PSD3: variants seen among roughly 807,000 people sequenced by gnomAD.
PSD3 encodes the protein PH and SEC7 domain-containing protein 3.
A neutral mutation model predicts 105.5 loss-of-function variants in PSD3; 49 were observed. That is an observed-to-expected ratio of 0.46 (90% CI 0.37 to 0.59). The LOEUF (loss-of-function observed/expected upper bound fraction) is 0.59. Ranked by LOEUF, PSD3 falls within the 20% of genes least tolerant of loss-of-function variation. The pLI, the probability that PSD3 is intolerant of heterozygous loss-of-function variation, is 0.00. For missense variants in PSD3, 1,561 were observed against 1,263.8 expected (o/e 1.24, Z -3.57); for synonymous variants, 557 against 457.8 (o/e 1.22, Z -2.77).
intron 1 of PSD3, among the ~76,000 whole-genome samples, chr8:19,056,975 A>G (rs1267497742): frequency 6.6e-6 from 1 of 152,124 alleles, no homozygotes; most frequent in African/African-American, 2.4e-5. Flanking sequence ...TGATAAGGGT[A>G]TGAACTTTCA....
intron 9 of PSD3, among the ~76,000 whole-genome samples, chr8:18,665,778 G>C (rs1005070435): frequency 6.6e-6 from 1 of 152,210 alleles, no homozygotes; most frequent in African/African-American, 2.4e-5. Flanking sequence ...TTGAGCCTGG[G>C]AGATCAAGGC....
chr8:18,878,553 T>C (rs1817884253), intron 2 of PSD3, among the ~76,000 whole-genome samples: 1 of 152,184 alleles, frequency 6.6e-6, no homozygotes, highest in Admixed American at 6.5e-5. Flanking sequence ...CATACATACA[T>C]TCTGAATGCA....
At chr8:18,865,253 TATATATATATATATATATATATATA>T (rs1816778098) in intron 4 of PSD3, 1 of 3,340 alleles carries the variant, frequency 3.0e-4, no homozygotes, top group Non-Finnish European at 6.9e-4. Flanking sequence ...TATATATATA[TATATATATATATATATATATATATA>T]TATATATATT....
chr8:18,867,903 C>G lies in PSD3; in HGVS notation c.1405G>C (p.Asp469His). Residue 469 changes from aspartate to histidine, a missense_variant, in exon 4 of 16, where the codon GAT becomes CAT. Coordinates refer to ENST00000327040, the MANE Select transcript of PSD3 (RefSeq NM_015310.4). The stretch of plus-strand genomic sequence containing the variant: ...GGCATTTCAAAGCTAAAATAGCTAT[C>G]AGGCTCTGAGTATAATGTCTCCAGG... ...ESLETLYSEPDSYFSFEMPLT... is the reference protein window; with the variant it reads ...ESLETLYSEPHSYFSFEMPLT... 6.2e-7 allele frequency: 1 copy of G among 1,614,168 alleles called. No homozygotes were observed. The highest frequency in any genetic ancestry group is 8.5e-7 in the Non-Finnish European group (1 of 1,180,022).
chr8:18,675,673 G>A lies in PSD3; in HGVS notation c.2173-19988C>T, dbSNP rs558495883. Among the ~76,000 whole-genome samples, 5 of 152,210 alleles carry A rather than the reference G, an allele frequency of 3.3e-5. No homozygotes were observed. The South Asian group carries it at 1.0e-3, about 32-fold the overall frequency. The stretch of plus-strand genomic sequence containing the variant: ...ACGTGTCCAAACAGGTACACTAAAT[G>A]TACCATCGGAACATGGTACAGTGGA... On this transcript the variant is annotated intron_variant, in intron 9 of 15. Coordinates refer to ENST00000327040, the MANE Select transcript of PSD3 (RefSeq NM_015310.4).
intron 9 of PSD3, among the ~76,000 whole-genome samples, chr8:18,679,097 T>C (rs978503249): frequency 6.7e-6 from 1 of 148,280 alleles, no homozygotes; most frequent in Non-Finnish European, 1.5e-5. Flanking sequence ...CAGATATCAA[T>C]GTCCTGTTTG....
chr8:18,882,849 A>G (rs928485516), intron 2 of PSD3, among the ~76,000 whole-genome samples: 5 of 150,546 alleles, frequency 3.3e-5, no homozygotes, highest in African/African-American at 1.2e-4. Context: ...ATATATATAC[A>G]CACACACACA....
intron 10 of PSD3, among the ~76,000 whole-genome samples, chr8:18,641,111 C>G (rs1190377617): frequency 6.6e-6 from 1 of 152,224 alleles, no homozygotes; most frequent in African/African-American, 2.4e-5. Context: ...TGTGTATACA[C>G]TCCTCTAGCC....
At chr8:19,069,522 C>T (rs1829184379) in intron 1 of PSD3, among the ~76,000 whole-genome samples, 1 of 152,182 alleles carries the variant, frequency 6.6e-6, no homozygotes. Flanking sequence ...AAACGTGGAT[C>T]TTCCTTTCTA....
In PSD3 at chr8:18,782,814, T is replaced by C. The variant is rs369774448; in HGVS notation, c.2082+16481A>G. On this transcript the variant is annotated intron_variant, in intron 8 of 15. Coordinates refer to ENST00000327040, the MANE Select transcript of PSD3 (RefSeq NM_015310.4). ...GCAGTTAGGGGTACAAAGGGCCTAG[T>C]GGCCATCACCGAGCATCCAAGTGGC... 1.4e-3 allele frequency among the ~76,000 whole-genome samples: 214 copies of C among 152,330 alleles called. 1 individual carries two copies. Among genetic ancestry groups the C allele is most frequent in the African/African-American group, 4.4e-3 (183 of 41,576 alleles).
intron 1 of PSD3, among the ~76,000 whole-genome samples, chr8:19,033,264 C>G (rs944731982): frequency 6.6e-6 from 1 of 152,106 alleles, no homozygotes; most frequent in Non-Finnish European, 1.5e-5. Flanking sequence ...AGATTTTCTA[C>G]TTTAATTTTT....
At chr8:18,635,532 A>T (rs923946476) in intron 10 of PSD3, among the ~76,000 whole-genome samples, 3 of 151,402 alleles carry the variant, frequency 2.0e-5, no homozygotes, top group African/African-American at 4.8e-5. Context: ...TCTATTTATT[A>T]AAAAAAAAGT....
chr8:18,590,178 C>T (rs1803490334), intron 12 of PSD3, among the ~76,000 whole-genome samples: 3 of 152,172 alleles, frequency 2.0e-5, no homozygotes, highest in Admixed American at 2.0e-4. Context: ...TCATATATGG[C>T]ATTATTATAA....
At chr8:18,703,729 A>C (rs1017764301) in intron 9 of PSD3, among the ~76,000 whole-genome samples, 45 of 152,228 alleles carry the variant, frequency 3.0e-4, no homozygotes, top group African/African-American at 1.1e-3. Flanking sequence ...TTTTTAAAAT[A>C]AGTAAAATAA....
intron 2 of PSD3, among the ~76,000 whole-genome samples, chr8:18,926,261 C>T (rs1821355125): frequency 6.6e-6 from 1 of 151,906 alleles, no homozygotes; most frequent in African/African-American, 2.4e-5. Flanking sequence ...GTGACCTCTG[C>T]ATTCTGATGA....
rs181166043 is a variant in PSD3, at chr8:18,836,240, A to G, written c.1635-31342T>C. ...TGATGCAGCAGTTAGAATTTCAAAT[A>G]CACATAAAATAAAAATATAATTATT... On this transcript the variant is annotated intron_variant, in intron 4 of 15. Transcript: ENST00000327040. Among the ~76,000 whole-genome samples, 4 of 152,334 alleles carry G rather than the reference A, an allele frequency of 2.6e-5. No individual in the cohort carries two copies. The East Asian group carries it at 7.7e-4, about 29-fold the overall frequency.
At chr8:18,692,911 C>T (rs1169789395) in intron 9 of PSD3, among the ~76,000 whole-genome samples, 1 of 152,110 alleles carries the variant, frequency 6.6e-6, no homozygotes, top group African/African-American at 2.4e-5. Context: ...AACTTTAATA[C>T]CAAAGCTAAG....
At chr8:18,788,322 T>C (rs551438104) in intron 8 of PSD3, among the ~76,000 whole-genome samples, 146 of 152,328 alleles carry the variant, frequency 9.6e-4, no homozygotes, top group Non-Finnish European at 1.8e-3. Context: ...AAAATGAAGA[T>C]GGAGAATTTC....
intron 11 of PSD3, among the ~76,000 whole-genome samples, chr8:18,625,425 G>C: frequency 6.6e-6 from 1 of 152,120 alleles, no homozygotes; most frequent in South Asian, 2.1e-4. Flanking sequence ...AGGAAGTTTG[G>C]TATAAGGCTA....
Sources: allele counts gnomAD v4.1 joint callset (sites outside exome capture counted in the v4.1 genomes callset), GRCh38; gene constraint gnomAD v4.1.1; transcripts MANE v1.5; gene names NCBI Gene and HGNC (gene_info 2026-07-23, HGNC 2026-07-21).